Variants in ASIC2 observed in about 807,000 individuals in gnomAD.
ASIC2 encodes acid sensing ion channel subunit 2, also known as acid-sensing ion channel 2.
Under a neutral mutation model 57.3 loss-of-function variants are expected in ASIC2, and 25 were observed. The ratio of observed to expected loss-of-function variants is 0.44; its 90% CI spans 0.32 to 0.61. The LOEUF is 0.61. ASIC2 is among the 20% of genes least tolerant of loss of function. ASIC2 has a pLI of 0.06. For missense variants in ASIC2, 641 were observed against 738.1 expected, an observed-to-expected ratio of 0.87 and a Z score of 1.52; for synonymous variants, 319 against 307.5, an observed-to-expected ratio of 1.04 and a Z score of -0.39.
chr17:33,230,867 C>A (rs178590), intron 1 of ASIC2, among the ~76,000 whole-genome samples: 1 of 151,398 alleles, frequency 6.6e-6, no homozygotes, highest in African/African-American at 2.4e-5. Context: ...CAAGGTGATA[C>A]GCAACGAAAA....
chr17:34,129,218 T>C (rs1911881457), intron 1 of ASIC2, among the ~76,000 whole-genome samples: 1 of 152,124 alleles, frequency 6.6e-6, no homozygotes, highest in Non-Finnish European at 1.5e-5. Context: ...CACAACAGCC[T>C]AATGAGGTGG....
At chr17:33,964,214 T>A (rs1905009306) in intron 1 of ASIC2, among the ~76,000 whole-genome samples, 1 of 152,198 alleles carries the variant, frequency 6.6e-6, no homozygotes, top group Non-Finnish European at 1.5e-5. Flanking sequence ...TAGATGCCTG[T>A]ACAGCCAACT....
chr17:34,098,819 G>C (rs1397206188), intron 1 of ASIC2, among the ~76,000 whole-genome samples: 1 of 152,064 alleles, frequency 6.6e-6, no homozygotes, highest in Non-Finnish European at 1.5e-5. Context: ...TACCCATCCA[G>C]AAGTGATTTC....
At chr17:33,470,261 G>A (rs1202308462) in intron 1 of ASIC2, among the ~76,000 whole-genome samples, 1 of 152,120 alleles carries the variant, frequency 6.6e-6, no homozygotes, top group Non-Finnish European at 1.5e-5. Context: ...ACTAATGCTT[G>A]GAAACTTAAT....
At chr17:33,060,078 T>A (rs1302152182) in intron 3 of ASIC2, among the ~76,000 whole-genome samples, 3 of 152,192 alleles carry the variant, frequency 2.0e-5, no homozygotes, top group Non-Finnish European at 4.4e-5. Flanking sequence ...GTCAGATGAG[T>A]AGATTGCAAA....
chr17:33,226,899 A>G (rs1202856519), intron 1 of ASIC2, among the ~76,000 whole-genome samples: 2 of 152,218 alleles, frequency 1.3e-5, no homozygotes, highest in African/African-American at 2.4e-5. Flanking sequence ...AATTAATATT[A>G]TATTTTTCAC....
At chr17:33,221,492 TCTAA>T (rs1289225849) in intron 1 of ASIC2, among the ~76,000 whole-genome samples, 2 of 152,176 alleles carry the variant, frequency 1.3e-5, no homozygotes, top group Non-Finnish European at 2.9e-5. Context: ...TAATAAGAAA[TCTAA>T]CTGATGAGAG....
rs544196034 is a variant in ASIC2 at position 34,056,810 on chromosome 17, C to CA, written c.555+99167dup. ...GACTTTTCACCTGATCTCCAAATTG[C>CA]AAAAATCCCAAAATATGCTGAGTTC... On this transcript the variant is annotated intron_variant, in intron 1 of 9. Transcript: ENST00000359872. Among the ~76,000 whole-genome samples the CA allele has an allele frequency of 1.2e-4, 18 of 152,334 alleles. No homozygotes were observed. In the East Asian group the frequency reaches 3.5e-3, roughly 29 times the overall value.
chr17:33,253,859 T>A (rs1048706971), intron 1 of ASIC2, among the ~76,000 whole-genome samples: 2 of 152,114 alleles, frequency 1.3e-5, no homozygotes, highest in African/African-American at 4.8e-5. Context: ...GCCGAGACCA[T>A]CAGACTGGGG....
chr17:34,043,264 AT>A (rs1224436562), intron 1 of ASIC2, among the ~76,000 whole-genome samples: 2 of 152,084 alleles, frequency 1.3e-5, no homozygotes. Context: ...AAACTTGTGA[AT>A]TTTCTATTTT....
intron 1 of ASIC2, among the ~76,000 whole-genome samples, chr17:33,815,076 G>T (rs1215051933): frequency 6.6e-6 from 1 of 151,900 alleles, no homozygotes; most frequent in Non-Finnish European, 1.5e-5. Flanking sequence ...GGGCGAGTGT[G>T]TTCTCAGGAA....
At chr17:33,853,543 C>T (rs115370441) in intron 1 of ASIC2, among the ~76,000 whole-genome samples, 2,926 of 152,288 alleles carry the variant, frequency 0.019, 102 homozygotes, top group African/African-American at 0.067. Context: ...TCCGTAAGGA[C>T]GATCTCTAAG....
intron 2 of ASIC2, 151 bp downstream of exon 2, chr17:33,111,766 A>G: frequency 8.8e-7 from 1 of 1,142,854 alleles, no homozygotes; most frequent in Non-Finnish European, 1.2e-6. Context: ...AGCCCAAGCC[A>G]GGGACATCTT....
At chr17:33,267,917 C>T (rs145519972) in intron 1 of ASIC2, among the ~76,000 whole-genome samples, 6 of 152,184 alleles carry the variant, frequency 3.9e-5, no homozygotes, top group African/African-American at 1.4e-4. Context: ...TTCTGAGCAC[C>T]TAGCAGCTAT....
intron 1 of ASIC2, among the ~76,000 whole-genome samples, chr17:33,868,108 T>C (rs1352954283): frequency 6.6e-6 from 1 of 152,180 alleles, no homozygotes; most frequent in Non-Finnish European, 1.5e-5. Context: ...ATCATAAATG[T>C]ATATACTAAT....
At chr17:33,419,879 A>C (rs1290627544) in intron 1 of ASIC2, among the ~76,000 whole-genome samples, 1 of 152,162 alleles carries the variant, frequency 6.6e-6, no homozygotes, top group African/African-American at 2.4e-5. Context: ...GAAAAAAAAA[A>C]CTACAGACAG....
intron 1 of ASIC2, among the ~76,000 whole-genome samples, chr17:33,306,396 A>G (rs1307535713): frequency 3.3e-5 from 5 of 152,184 alleles, no homozygotes; most frequent in Admixed American, 3.3e-4. Context: ...ATACAGAGAA[A>G]TGTTAAATGT....
intron 1 of ASIC2, among the ~76,000 whole-genome samples, chr17:33,418,196 G>A (rs1391555393): frequency 6.6e-6 from 1 of 152,124 alleles, no homozygotes; most frequent in Non-Finnish European, 1.5e-5. Context: ...AAACTCCACA[G>A]TGCAGAGTAG....
At chr17:33,045,222 C>T (rs541971347) in intron 3 of ASIC2, among the ~76,000 whole-genome samples, 21 of 152,296 alleles carry the variant, frequency 1.4e-4, no homozygotes, top group African/African-American at 5.1e-4. Flanking sequence ...CTAGGTATCA[C>T]TAGCAGGTCT....
Sources: allele counts gnomAD v4.1 joint callset (sites outside exome capture counted in the v4.1 genomes callset), GRCh38; gene constraint gnomAD v4.1.1; transcripts MANE v1.5; gene names NCBI Gene and HGNC (gene_info 2026-07-23, HGNC 2026-07-21).